The following ESR1 variants were observed in gnomAD, a reference collection of about 807,000 sequenced individuals.
ESR1 encodes the protein estrogen receptor 1, also known as estrogen receptor.
ESR1 carries 12 observed loss-of-function variants against 52.7 expected under a neutral mutation model. The observed-to-expected ratio is 0.23, with a 90% CI of 0.15 to 0.37. The LOEUF (loss-of-function observed/expected upper bound fraction) is 0.37, where lower values mean the gene tolerates loss of function less well. ESR1 is among the 10% of genes least tolerant of loss of function. The probability of loss-of-function intolerance (pLI) is 1.00; values close to 1 mark genes in which losing one functional copy is unlikely to be tolerated. For synonymous variants in ESR1, 305 were observed against 316.8 expected (o/e 0.96, Z 0.39); for missense variants, 584 against 779.7 (o/e 0.75, Z 2.99).
downstream of ESR1, among the ~76,000 whole-genome samples, chr6:152,104,905 AG>A (rs2051044175): frequency 6.6e-6 from 1 of 151,990 alleles, no homozygotes; most frequent in South Asian, 2.1e-4. Flanking sequence ...GGCTCTGGAG[AG>A]GGGCTGATGG....
upstream of ESR1, among the ~76,000 whole-genome samples, chr6:151,804,021 G>A (rs1234451058): frequency 2.0e-5 from 3 of 152,148 alleles, no homozygotes; most frequent in African/African-American, 7.2e-5. Context: ...ACCTGAGAGA[G>A]CCAGTAAGTC....
At chr6:151,968,770 C>A (rs1475812431) in intron 4 of ESR1, among the ~76,000 whole-genome samples, 1 of 152,238 alleles carries the variant, frequency 6.6e-6, no homozygotes, top group African/African-American at 2.4e-5. Context: ...GTGGATGGAG[C>A]ATTTCCTCTC....
At chr6:151,747,132 A>G (rs1242929224) in intron 2 of ESR1, among the ~76,000 whole-genome samples, 3 of 152,338 alleles carry the variant, frequency 2.0e-5, no homozygotes, top group South Asian at 2.1e-4. Context: ...GGACTAATCA[A>G]TGATCTAAAA....
Position 151,711,501 on chromosome 6 carries a change from G to A in ESR1, c.-71+9496G>A, listed in dbSNP as rs138402975. On this transcript the variant is annotated intron_variant, in intron 2 of 2. Coordinates refer to the ESR1 transcript ENST00000404742. ...CTCCCAAAGTGCTAGGATTACAGGC[G>A]TGAGCCACCGCACCTGGCCTGTTTC... is the stretch of plus-strand genomic sequence containing the variant. Among the ~76,000 whole-genome samples the A allele has an allele frequency of 5.4e-3, 822 of 152,272 alleles. 9 individuals carry two copies. The highest frequency in any genetic ancestry group is 0.018 in the African/African-American group (741 of 41,566).
At chr6:152,040,983 A>G (rs1011522466) in intron 5 of ESR1, among the ~76,000 whole-genome samples, 31 of 152,334 alleles carry the variant, frequency 2.0e-4, no homozygotes, top group Non-Finnish European at 2.9e-4. Context: ...AACCCACTTT[A>G]TGGCTAGATG....
chr6:151,737,107 A>G (rs1171858636), intron 2 of ESR1, among the ~76,000 whole-genome samples: 1 of 152,178 alleles, frequency 6.6e-6, no homozygotes, highest in Non-Finnish European at 1.5e-5. Context: ...ATGTTCCCAG[A>G]CCAAAAATTA....
chr6:152,122,756 G>A, intron 6 of ESR1: 1 of 1,600,264 alleles, frequency 6.2e-7, no homozygotes, highest in Non-Finnish European at 8.5e-7. Context: ...CACCTTCCTG[G>A]AAGCTAAAGG....
At chr6:151,777,282 TA>T (rs1211610827) in intron 2 of ESR1, among the ~76,000 whole-genome samples, 8 of 151,794 alleles carry the variant, frequency 5.3e-5, no homozygotes, top group African/African-American at 1.9e-4. Flanking sequence ...CAAGCCTGGC[TA>T]ATTTTTTGTA....
At chr6:151,975,023 G>A (rs932736240) in intron 4 of ESR1, among the ~76,000 whole-genome samples, 3 of 152,168 alleles carry the variant, frequency 2.0e-5, no homozygotes, top group Non-Finnish European at 4.4e-5. Context: ...GATTACTCAG[G>A]CTGGGTGGAA....
chr6:151,763,863 C>T (rs1784840889), intron 2 of ESR1, among the ~76,000 whole-genome samples: 1 of 152,098 alleles, frequency 6.6e-6, no homozygotes, highest in Non-Finnish European at 1.5e-5. Context: ...TAAAATACAA[C>T]GTGGTTAGGT....
intron 2 of ESR1, among the ~76,000 whole-genome samples, chr6:151,771,029 G>A (rs996330308): frequency 3.3e-5 from 5 of 152,278 alleles, no homozygotes; most frequent in African/African-American, 1.2e-4. Flanking sequence ...CCAGCAGCAT[G>A]GTGGATTACA....
chr6:151,711,592 A>G (rs1054939567), intron 2 of ESR1, among the ~76,000 whole-genome samples: 4 of 151,984 alleles, frequency 2.6e-5, no homozygotes, highest in African/African-American at 9.7e-5. Flanking sequence ...TTTGATTTGC[A>G]TTTCTCTAAT....
intron 2 of ESR1, among the ~76,000 whole-genome samples, chr6:151,710,214 G>A (rs192973296): frequency 2.0e-3 from 304 of 150,836 alleles, no homozygotes; most frequent in Non-Finnish European, 2.6e-3. Flanking sequence ...TTAACATTTG[G>A]CAAGTTTGAT....
chr6:152,105,963 A>AT (rs76877123), downstream of ESR1, among the ~76,000 whole-genome samples: 8,664 of 131,646 alleles, frequency 0.066, 427 homozygotes, highest in East Asian at 0.28. Flanking sequence ...AATTTTTTGT[A>AT]TTTTTTTTTT....
At chr6:151,698,497 G>A (rs1225832796) in intron 1 of ESR1, among the ~76,000 whole-genome samples, 1 of 152,132 alleles carries the variant, frequency 6.6e-6, no homozygotes, top group Admixed American at 6.5e-5. Flanking sequence ...GCTTGGAAAG[G>A]AAAACTGTGA....
intron 3 of ESR1, among the ~76,000 whole-genome samples, chr6:151,892,876 A>C (rs1360113896): frequency 6.6e-6 from 1 of 152,176 alleles, no homozygotes; most frequent in Admixed American, 6.5e-5. Flanking sequence ...TGAAGAGCAG[A>C]GGGAGTTGTT....
At chr6:152,040,793 C>T (rs1325749380) in intron 5 of ESR1, among the ~76,000 whole-genome samples, 4 of 152,192 alleles carry the variant, frequency 2.6e-5, no homozygotes, top group Admixed American at 6.5e-5. Context: ...GTCAGCTTAT[C>T]ATAGGGAACT....
intron 1 of ESR1, among the ~76,000 whole-genome samples, chr6:151,681,075 C>T (rs868018143): frequency 6.6e-6 from 1 of 152,208 alleles, no homozygotes; most frequent in Non-Finnish European, 1.5e-5. Context: ...CGGGCACGTC[C>T]TTGTTCCTGC....
At chr6:151,774,338 T>C in intron 2 of ESR1, among the ~76,000 whole-genome samples, 1 of 152,188 alleles carries the variant, frequency 6.6e-6, no homozygotes, top group South Asian at 2.1e-4. Context: ...GAACAAATGG[T>C]TGTTTTGTGA....
Sources: allele counts gnomAD v4.1 joint callset (sites outside exome capture counted in the v4.1 genomes callset), GRCh38; gene constraint gnomAD v4.1.1; transcripts MANE v1.5; gene names NCBI Gene and HGNC (gene_info 2026-07-23, HGNC 2026-07-21).